The following C10orf90 variants were observed in gnomAD, a reference collection of about 807,000 sequenced individuals.
C10orf90 encodes chromosome 10 open reading frame 90, also known as (E2-independent) E3 ubiquitin-conjugating enzyme FATS.
Under a neutral mutation model 62.5 loss-of-function variants are expected in C10orf90, and 56 were observed. That is an observed-to-expected ratio of 0.90 (90% CI 0.72 to 1.12). C10orf90 has a LOEUF of 1.12. C10orf90 is among the 50% of genes most tolerant of loss of function. C10orf90 has a pLI of 0.00. For missense variants in C10orf90, 970 were observed against 880.4 expected (o/e 1.10, Z -1.29); for synonymous variants, 386 against 340.4 (o/e 1.13, Z -1.47).
intron 2 of C10orf90, among the ~76,000 whole-genome samples, chr10:126,565,147 A>ATTACATAT (rs1844321100): frequency 5.4e-5 from 1 of 18,632 alleles, no homozygotes; most frequent in African/African-American, 3.6e-4. Context: ...ATAATATTAA[A>ATTACATAT]TATGTAATAT....
chr10:126,506,421 G>T (rs1862734960), intron 3 of C10orf90, among the ~76,000 whole-genome samples: 1 of 152,238 alleles, frequency 6.6e-6, no homozygotes, highest in Non-Finnish European at 1.5e-5. Context: ...AGCTGCACAG[G>T]ATCTGGAATA....
chr10:126,577,931 A>G (rs186004740), intron 2 of C10orf90, among the ~76,000 whole-genome samples: 2 of 152,290 alleles, frequency 1.3e-5, no homozygotes, highest in Non-Finnish European at 2.9e-5. Context: ...AGATATCCAT[A>G]TGAGAGAAAA....
chr10:126,497,086 G>A (rs574755720), intron 4 of C10orf90, among the ~76,000 whole-genome samples: 12 of 152,342 alleles, frequency 7.9e-5, no homozygotes, highest in African/African-American at 2.6e-4. Context: ...CAGCTGACAC[G>A]ATCAATGTCA....
chr10:126,485,822 C>T (rs1310093420), intron 4 of C10orf90, among the ~76,000 whole-genome samples: 1 of 151,442 alleles, frequency 6.6e-6, no homozygotes, highest in Non-Finnish European at 1.5e-5. Context: ...TGGTGGGCAC[C>T]TGTAGTCCCA....
At chr10:126,461,354 T>A in intron 6 of C10orf90, 47 bp downstream of exon 6, 1 of 1,600,568 alleles carries the variant, frequency 6.2e-7, no homozygotes, top group Non-Finnish European at 8.5e-7. Context: ...CCCTAGGAAA[T>A]CTCTCCCTTT....
intron 7 of C10orf90, among the ~76,000 whole-genome samples, chr10:126,454,966 T>C (rs1859447137): frequency 6.6e-6 from 1 of 151,972 alleles, no homozygotes; most frequent in Non-Finnish European, 1.5e-5. Context: ...AAAGGCCAGC[T>C]CTCCTGCCAC....
chr10:126,553,011 T>C (rs1864673262), intron 2 of C10orf90, among the ~76,000 whole-genome samples: 1 of 152,070 alleles, frequency 6.6e-6, no homozygotes, highest in East Asian at 1.9e-4. Flanking sequence ...TAAACACAAA[T>C]CACTTCCACA....
chr10:126,442,647 A>G (rs1385265896), intron 7 of C10orf90, among the ~76,000 whole-genome samples: 133 of 23,880 alleles, frequency 5.6e-3, no homozygotes, highest in African/African-American at 0.014. Context: ...ATATATATAT[A>G]TATATATATA....
chr10:126,522,044 G>C (rs920094624), intron 2 of C10orf90, among the ~76,000 whole-genome samples: 1 of 152,076 alleles, frequency 6.6e-6, no homozygotes, highest in Non-Finnish European at 1.5e-5. Flanking sequence ...CAAGGTGGGT[G>C]GATCCCCTAA....
At chr10:126,535,992 C>T (rs907251969) in intron 2 of C10orf90, among the ~76,000 whole-genome samples, 1 of 152,156 alleles carries the variant, frequency 6.6e-6, no homozygotes, top group Non-Finnish European at 1.5e-5. Flanking sequence ...TTTTTTTCCA[C>T]TTGTGTGGAA....
chr10:126,602,486 T>C (rs1328875219), intron 2 of C10orf90, among the ~76,000 whole-genome samples: 2 of 152,098 alleles, frequency 1.3e-5, no homozygotes, highest in African/African-American at 4.8e-5. Flanking sequence ...AACAGGGTGG[T>C]TCCACTGTGG....
chr10:126,447,774 T>G (rs972256785), intron 7 of C10orf90, among the ~76,000 whole-genome samples: 22 of 152,192 alleles, frequency 1.4e-4, no homozygotes, highest in Non-Finnish European at 2.9e-5. Flanking sequence ...ATAGATCATA[T>G]GTTAGGCCAA....
intron 2 of C10orf90, among the ~76,000 whole-genome samples, chr10:126,631,219 A>G (rs571261157): frequency 6.6e-6 from 1 of 152,268 alleles, no homozygotes; most frequent in South Asian, 2.1e-4. Flanking sequence ...ACCAAACAGA[A>G]AACTCGCCAC....
Position 126,665,376 on chromosome 10 carries a change from C to T in C10orf90, c.240+4865G>A, listed in dbSNP as rs142797334. On this transcript the variant is annotated intron_variant, in intron 1 of 9. Coordinates refer to ENST00000488181, the MANE Select transcript of C10orf90 (RefSeq NM_001350921.2). ...GAGAAGAAAGGAAATGTTCGCTTTA[C>T]CTCCTGTTTGGTCTCAGTGACCTCT... Among the ~76,000 whole-genome samples the T allele has an allele frequency of 1.8e-3, 280 of 152,304 alleles. 2 individuals carry two copies. Among genetic ancestry groups the T allele is most frequent in the African/African-American group, 6.3e-3 (260 of 41,570 alleles).
intron 6 of C10orf90, among the ~76,000 whole-genome samples, 164 bp from the exon 7 acceptor site, chr10:126,459,381 A>C (rs746924147): frequency 6.6e-6 from 1 of 152,252 alleles, no homozygotes; most frequent in Non-Finnish European, 1.5e-5. Context: ...TTGTGTAAAG[A>C]AGGTAACAGG....
intron 7 of C10orf90, among the ~76,000 whole-genome samples, chr10:126,445,109 C>G (rs1858669925): frequency 6.6e-6 from 1 of 152,048 alleles, no homozygotes; most frequent in Non-Finnish European, 1.5e-5. Context: ...TTGGCTTAGG[C>G]AAGGATTTCA....
intron 1 of C10orf90, among the ~76,000 whole-genome samples, chr10:126,654,453 G>A (rs1460040207): frequency 6.6e-6 from 1 of 152,096 alleles, no homozygotes; most frequent in Non-Finnish European, 1.5e-5. Context: ...CTTTTTTTCT[G>A]TATCTTCCTC....
rs1564874167 is a variant in C10orf90 at position 126,565,201 on chromosome 10, T to TA, written c.314-51263dup. 8.2e-3 allele frequency among the ~76,000 whole-genome samples: 500 copies of TA among 60,694 alleles called. 37 individuals are homozygous for TA. Among genetic ancestry groups the TA allele is most frequent in the African/African-American group, 0.019 (334 of 17,138 alleles). 39.8% of individuals were successfully genotyped at this position (60,694 alleles called of 152,430 possible). A position where few individuals can be genotyped will look rare whatever the true frequency, so the allele number is the denominator to read the frequency against. On this transcript the variant is annotated intron_variant, in intron 2 of 9. Coordinates refer to ENST00000488181, the MANE Select transcript of C10orf90 (RefSeq NM_001350921.2). ...TATGTAATATAATATTTATATTACA[T>TA]ATTATGTAATATAATTTTTATATTA...
At chr10:126,434,930 C>G (rs982615792) in intron 7 of C10orf90, among the ~76,000 whole-genome samples, 2 of 152,184 alleles carry the variant, frequency 1.3e-5, no homozygotes, top group African/African-American at 2.4e-5. Flanking sequence ...AGAAATTAAA[C>G]AGCACAGGTT....
Sources: allele counts gnomAD v4.1 joint callset (sites outside exome capture counted in the v4.1 genomes callset), GRCh38; gene constraint gnomAD v4.1.1; transcripts MANE v1.5; gene names NCBI Gene and HGNC (gene_info 2026-07-23, HGNC 2026-07-21).